ALKAL1: variants seen among roughly 807,000 people sequenced by gnomAD.
ALKAL1 encodes AUG-beta.
Under a neutral mutation model 13.5 loss-of-function variants are expected in ALKAL1, and 23 were observed. That is an observed-to-expected ratio of 1.70 (90% CI 1.23 to 2.41). The LOEUF (loss-of-function observed/expected upper bound fraction) is 2.41. Ranked by LOEUF, ALKAL1 falls within the 30% of genes most tolerant of loss-of-function variation. The probability of loss-of-function intolerance (pLI) is 0.00; values close to 1 mark genes in which losing one functional copy is unlikely to be tolerated. For synonymous variants in ALKAL1, 85 were observed against 77.7 expected (o/e 1.09, Z -0.49); for missense variants, 181 against 178.4 (o/e 1.01, Z -0.08).
At chr8:52,557,453 T>A (rs1847496398) in intron 1 of ALKAL1, among the ~76,000 whole-genome samples, 1 of 152,352 alleles carries the variant, frequency 6.6e-6, no homozygotes, top group East Asian at 1.9e-4. Flanking sequence ...TCTGATACTG[T>A]CAATAAACTT....
chr8:52,551,980 A>G (rs80183401), intron 1 of ALKAL1, among the ~76,000 whole-genome samples: 2 of 152,264 alleles, frequency 1.3e-5, no homozygotes, highest in East Asian at 3.9e-4. Flanking sequence ...CAATTAGTGA[A>G]CCAATACTGG....
intron 1 of ALKAL1, among the ~76,000 whole-genome samples, chr8:52,560,827 T>C (rs968830453): frequency 1.3e-5 from 2 of 152,184 alleles, no homozygotes; most frequent in African/African-American, 2.4e-5. Flanking sequence ...CGTCTGGTCA[T>C]ATATATAACC....
intron 1 of ALKAL1, among the ~76,000 whole-genome samples, chr8:52,562,119 C>T (rs1271524118): frequency 2.0e-5 from 3 of 152,066 alleles, no homozygotes; most frequent in East Asian, 1.9e-4. Context: ...CTGCTGGTGG[C>T]GCAGTGACCA....
chr8:52,555,419 G>A (rs1426818729), intron 1 of ALKAL1, among the ~76,000 whole-genome samples: 1 of 152,120 alleles, frequency 6.6e-6, no homozygotes, highest in African/African-American at 2.4e-5. Flanking sequence ...CATTCCTAGA[G>A]AGAGTAAACT....
At chr8:52,556,775 T>G (rs1847488725) in intron 1 of ALKAL1, among the ~76,000 whole-genome samples, 1 of 151,942 alleles carries the variant, frequency 6.6e-6, no homozygotes, top group Non-Finnish European at 1.5e-5. Flanking sequence ...TTGCTCATTG[T>G]GCACATAACC....
In ALKAL1 at chr8:52,539,812, AC is replaced by A; in HGVS notation, c.325+18del. 8 of 1,560,390 alleles carry A rather than the reference AC, an allele frequency of 5.1e-6. No individual in the cohort carries two copies. The highest frequency in any genetic ancestry group is 6.9e-6 in the Non-Finnish European group (8 of 1,152,628). On this transcript the variant is annotated intron_variant, in intron 3 of 4. Coordinates refer to ENST00000358543, the MANE Select transcript of ALKAL1 (RefSeq NM_207413.4). ...TTGTTGGATAATTAAAAAAAAAAAA[AC>A]CCACCCAAGTTACTTACAAGCTGGC...
chr8:52,553,674 A>G lies in ALKAL1; in HGVS notation c.191-11229T>C, dbSNP rs148388292. ...ATAAAATTCTAACATTAGATTGCAT[A>G]TTCACAAAAGGACAAAATATTAAAT... On this transcript the variant is annotated intron_variant, in intron 1 of 4. Coordinates refer to ENST00000358543, the MANE Select transcript of ALKAL1 (RefSeq NM_207413.4). Among the ~76,000 whole-genome samples the G allele has an allele frequency of 3.6e-3, 554 of 152,334 alleles. 3 individuals are homozygous for G. Among genetic ancestry groups the G allele is most frequent in the African/African-American group, 0.012 (490 of 41,570 alleles).
At position 52,563,423 on chromosome 8, in the gene ALKAL1, C is replaced by T. The variant is rs535499790; in HGVS notation, c.190+1644G>A. Reference sequence around the variant, plus strand: ...TCCAGCCTGGGAGACAGGAGCGAAACTCCGTCTCTAAATAAATAAATAAAA... The same window carrying T: ...TCCAGCCTGGGAGACAGGAGCGAAATTCCGTCTCTAAATAAATAAATAAAA... On this transcript the variant is annotated intron_variant, in intron 1 of 4. Coordinates refer to ENST00000358543, the MANE Select transcript of ALKAL1 (RefSeq NM_207413.4). Among the ~76,000 whole-genome samples the T allele has an allele frequency of 3.3e-5, 5 of 152,204 alleles. No homozygotes were observed. In the South Asian group the frequency reaches 6.2e-4, roughly 19 times the overall value.
chr8:52,539,550 G>A (rs946809450), intron 3 of ALKAL1, among the ~76,000 whole-genome samples: 14 of 151,806 alleles, frequency 9.2e-5, no homozygotes, highest in African/African-American at 2.7e-4. Flanking sequence ...CAAGGAATTC[G>A]AATCATGATA....
At chr8:52,556,241 T>C (rs1847479872) in intron 1 of ALKAL1, among the ~76,000 whole-genome samples, 1 of 152,210 alleles carries the variant, frequency 6.6e-6, no homozygotes, top group African/African-American at 2.4e-5. Flanking sequence ...CTGATTACCA[T>C]ATGTTAAAAA....
intron 1 of ALKAL1, among the ~76,000 whole-genome samples, chr8:52,549,080 T>C (rs1352047670): frequency 2.6e-5 from 4 of 152,194 alleles, no homozygotes; most frequent in African/African-American, 9.7e-5. Context: ...TATGATTTAC[T>C]GTTGACAAGC....
At chr8:52,555,013 T>C (rs1206101027) in intron 1 of ALKAL1, among the ~76,000 whole-genome samples, 2 of 151,584 alleles carry the variant, frequency 1.3e-5, no homozygotes, top group Admixed American at 6.6e-5. Flanking sequence ...CTACTAAAAA[T>C]ACAAAAAATT....
At chr8:52,564,875 A>C (rs566036401) in intron 1 of ALKAL1, among the ~76,000 whole-genome samples, 192 bp downstream of exon 1, 1 of 152,288 alleles carries the variant, frequency 6.6e-6, no homozygotes, top group African/African-American at 2.4e-5. Context: ...GGATTTCTTT[A>C]CTTAACTCTC....
chr8:52,543,334 C>T (rs1394432166), intron 1 of ALKAL1, among the ~76,000 whole-genome samples: 1 of 152,214 alleles, frequency 6.6e-6, no homozygotes, highest in Non-Finnish European at 1.5e-5. Flanking sequence ...TCTGAGCCAT[C>T]ACGGTGATGA....
At chr8:52,559,890 A>T (rs1355468431) in intron 1 of ALKAL1, among the ~76,000 whole-genome samples, 1 of 152,136 alleles carries the variant, frequency 6.6e-6, no homozygotes, top group East Asian at 1.9e-4. Context: ...TTAAAATTCA[A>T]ATTATTTTAG....
chr8:52,545,832 A>G (rs893460974), intron 1 of ALKAL1, among the ~76,000 whole-genome samples: 2 of 152,254 alleles, frequency 1.3e-5, no homozygotes, highest in East Asian at 3.9e-4. Flanking sequence ...AAAGGTTTAC[A>G]GTCATGTGCT....
At chr8:52,547,220 G>A (rs1195474533) in intron 1 of ALKAL1, among the ~76,000 whole-genome samples, 6 of 152,266 alleles carry the variant, frequency 3.9e-5, no homozygotes, top group African/African-American at 7.2e-5. Flanking sequence ...ACCCCAGGCC[G>A]GGCATGGTGG....
intron 4 of ALKAL1, among the ~76,000 whole-genome samples, chr8:52,536,384 A>G (rs1055662105): frequency 4.6e-5 from 7 of 152,264 alleles, no homozygotes; most frequent in Admixed American, 4.6e-4. Flanking sequence ...AAATATTTGA[A>G]AAGAAATAAG....
At chr8:52,537,800 T>C (rs1448876726) in intron 4 of ALKAL1, among the ~76,000 whole-genome samples, 1 of 151,052 alleles carries the variant, frequency 6.6e-6, no homozygotes, top group African/African-American at 2.4e-5. Flanking sequence ...ATGTTGGGTA[T>C]TAGAAACTAA....
Sources: gnomAD v4.1 joint callset for allele counts (sites outside exome capture counted in the v4.1 genomes callset) on GRCh38, gnomAD v4.1.1 for gene constraint, MANE v1.5 for transcripts, NCBI Gene and HGNC (gene_info 2026-07-23, HGNC 2026-07-21) for gene names.